Variants in EHMT1 observed in about 807,000 individuals in gnomAD.
The protein encoded by EHMT1 is histone-lysine N-methyltransferase EHMT1.
Under a neutral mutation model 147.2 loss-of-function variants are expected in EHMT1, and 15 were observed. The observed-to-expected ratio is 0.10, with a 90% CI of 0.07 to 0.16. EHMT1 has a LOEUF of 0.16. Among genes scored for constraint, EHMT1 ranks in the 10% least tolerant of loss-of-function variants. The pLI, the probability that EHMT1 is intolerant of heterozygous loss-of-function variation, is 1.00. For synonymous variants in EHMT1, 795 were observed against 709.6 expected (o/e 1.12, Z -1.91); for missense variants, 1,587 against 1,772.4 (o/e 0.90, Z 1.88).
intron 3 of EHMT1, among the ~76,000 whole-genome samples, chr9:137,725,308 A>C (rs1445474098): frequency 6.6e-6 from 1 of 150,880 alleles, no homozygotes; most frequent in Non-Finnish European, 1.5e-5. Flanking sequence ...TGTGGCAGAC[A>C]TGTGGCCTTC....
chr9:137,802,018 T>C (rs1953530009), intron 18 of EHMT1, among the ~76,000 whole-genome samples: 1 of 152,218 alleles, frequency 6.6e-6, no homozygotes, highest in South Asian at 2.1e-4. Flanking sequence ...CAGTGACAAT[T>C]AGTTTTGTAA....
intron 16 of EHMT1, among the ~76,000 whole-genome samples, chr9:137,796,609 T>C (rs7030686): frequency 0.34 from 49,599 of 147,696 alleles, 8,441 homozygotes; most frequent in Admixed American, 0.44. Flanking sequence ...GAGGCTGAGG[T>C]AGGAGAATGA....
At position 137,782,821 on chromosome 9, in the gene EHMT1, CG is replaced by C. The variant is rs1951670273; in HGVS notation, c.2382+425del. On this transcript the variant is annotated intron_variant, in intron 15 of 26. Coordinates refer to ENST00000460843, the MANE Select transcript of EHMT1 (RefSeq NM_024757.5). This position sits in a 1 kb window ranked among gnomAD's most constrained non-coding sequence, Gnocchi z 5.7. Reference sequence around the variant, plus strand: ...CGTCTACAGGGTATGTTGTGTCTGTCGTTAATCACTGGCTTGTGTTTCTGTT... The same window carrying C: ...CGTCTACAGGGTATGTTGTGTCTGTCTTAATCACTGGCTTGTGTTTCTGTT... 6.6e-6 allele frequency among the ~76,000 whole-genome samples: 1 copy of C among 152,168 alleles called. No individual in the cohort carries two copies. Among genetic ancestry groups the C allele is most frequent in the African/African-American group, 2.4e-5 (1 of 41,440 alleles).
In EHMT1 at chr9:137,813,401, C is replaced by G; in HGVS notation, c.3051C>G (p.Gly1017=). 1 of 1,612,498 alleles carries G rather than the reference C, an allele frequency of 6.2e-7. No individual in the cohort carries two copies. The change falls in exon 21 of 27, where the codon GGC becomes GGG. Residue 1017 remains glycine, a synonymous_variant. Coordinates refer to ENST00000460843, the MANE Select transcript of EHMT1 (RefSeq NM_024757.5). This position sits in a 1 kb window ranked among gnomAD's most constrained non-coding sequence, Gnocchi z 4.9. ...ERIVSRDIAR[G]YERIPIPCVN... Reference sequence around the variant, plus strand: ...TCCATGGCAGGGACATCGCTCGAGGCTACGAGCGCATCCCCATCCCCTGTG... The same window carrying G: ...TCCATGGCAGGGACATCGCTCGAGGGTACGAGCGCATCCCCATCCCCTGTG...
chr9:137,775,971 GTT>G lies in EHMT1; in HGVS notation c.1792-645_1792-644del, dbSNP rs1950926921. 6.6e-6 allele frequency among the ~76,000 whole-genome samples: 1 copy of G among 152,116 alleles called. No individual in the cohort carries two copies. Among genetic ancestry groups the G allele is most frequent in the African/African-American group, 2.4e-5 (1 of 41,402 alleles). On this transcript the variant is annotated intron_variant, in intron 11 of 26. Coordinates refer to ENST00000460843, the MANE Select transcript of EHMT1 (RefSeq NM_024757.5). This position sits in a 1 kb window ranked among gnomAD's most constrained non-coding sequence, Gnocchi z 6.1. The stretch of plus-strand genomic sequence containing the variant: ...TCTGTGTGCGCCTGTGTGTGTGAGT[GTT>G]TGAGTGTGAGCTTCAGGCACCCAGA...
intron 1 of EHMT1, among the ~76,000 whole-genome samples, chr9:137,655,688 C>T (rs1938368051): frequency 6.6e-6 from 1 of 152,208 alleles, no homozygotes; most frequent in South Asian, 2.1e-4. Flanking sequence ...AGTTCTGCCT[C>T]TGCCAGATCA....
At chr9:137,801,487 A>G (rs770914430) in intron 18 of EHMT1, among the ~76,000 whole-genome samples, 39 of 150,198 alleles carry the variant, frequency 2.6e-4, no homozygotes, top group Non-Finnish European at 4.6e-4. Context: ...GTGTCTGGCT[A>G]ATTTTTGTAT....
rs767405720 is a variant in EHMT1, at chr9:137,808,522, C to A, written c.2713-2939C>A. On this transcript the variant is annotated intron_variant, in intron 18 of 26. Coordinates refer to ENST00000460843, the MANE Select transcript of EHMT1 (RefSeq NM_024757.5). The stretch of plus-strand genomic sequence containing the variant: ...GGTAAACCTGTTCTGGTCTGTATCA[C>A]CCCATTGTTTCAGGAGTGCGGTTGC... Among the ~76,000 whole-genome samples, 16 of 152,296 alleles carry A rather than the reference C, an allele frequency of 1.1e-4. No individual in the cohort carries two copies. The South Asian group carries it at 1.7e-3, about 16-fold the overall frequency.
chr9:137,721,084 G>C (rs548592888), intron 3 of EHMT1, among the ~76,000 whole-genome samples: 6 of 151,890 alleles, frequency 4.0e-5, no homozygotes, highest in Non-Finnish European at 5.9e-5. Context: ...GTGTTTCCTC[G>C]AGGCTTCAGC....
rs748816301 is a variant in EHMT1 at position 137,762,713 on chromosome 9, C to T, written c.1540C>T (p.Leu514Phe). Residue 514 changes from leucine to phenylalanine, a missense_variant, in exon 10 of 27, where the codon CTC becomes TTC. Transcript: ENST00000460843. The part of the protein sequence containing the change: ...NGPDVLETDG[L>F]QEVPLCSCRM... The stretch of plus-strand genomic sequence containing the variant: ...TCCAGATGTGCTGGAGACAGACGGC[C>T]TCCAGGAAGTGCCTCTCTGCAGCTG... 1.2e-6 allele frequency: 2 copies of T among 1,614,248 alleles called. No homozygotes were observed. The highest frequency in any genetic ancestry group is 1.3e-5 in the African/African-American group (1 of 75,064).
Position 137,779,383 on chromosome 9 carries a change from G to A in EHMT1, c.2193-252G>A, listed in dbSNP as rs73576187. Among the ~76,000 whole-genome samples, 7,482 of 152,344 alleles carry A rather than the reference G, an allele frequency of 0.049. 609 individuals are homozygous for A. Among genetic ancestry groups the A allele is most frequent in the African/African-American group, 0.17 (7,003 of 41,568 alleles). ...CTCACAGTGCGTAGTGTTCTCCTGC[G>A]GTGACTGGGAACGCAGTTTCTTGTC... On this transcript the variant is annotated intron_variant, in intron 13 of 26. Transcript: ENST00000460843.
intron 10 of EHMT1, among the ~76,000 whole-genome samples, chr9:137,771,097 A>G (rs967411516): frequency 6.6e-6 from 1 of 151,366 alleles, no homozygotes; most frequent in African/African-American, 2.4e-5. Flanking sequence ...TGCTCAGAAG[A>G]TAACTATTTT....
At chr9:137,749,798 T>C (rs890217439) in intron 6 of EHMT1, among the ~76,000 whole-genome samples, 1 of 152,210 alleles carries the variant, frequency 6.6e-6, no homozygotes, top group Non-Finnish European at 1.5e-5. Context: ...TAGTCTGCTG[T>C]TAATTGGTGG....
intron 1 of EHMT1, among the ~76,000 whole-genome samples, chr9:137,678,865 G>C (rs1017541231): frequency 1.3e-5 from 2 of 152,140 alleles, no homozygotes; most frequent in South Asian, 2.1e-4. Context: ...CACATCCAGG[G>C]CAGGACTGAT....
intron 3 of EHMT1, 150 bp downstream of exon 3, chr9:137,717,332 G>C: frequency 9.7e-7 from 1 of 1,030,386 alleles, no homozygotes; most frequent in Non-Finnish European, 1.4e-6. Context: ...GCCGGGAGCA[G>C]TGGCTTACAG....
At position 137,834,932 on chromosome 9, in the gene EHMT1, G is replaced by A. The variant is rs780788976; in HGVS notation, c.3876G>A (p.Ala1292=). 6.5e-7 allele frequency: 1 copy of A among 1,529,778 alleles called. No individual in the cohort carries two copies. Among genetic ancestry groups the A allele is most frequent in the Middle Eastern group, 2.3e-4 (1 of 4,302 alleles). 94.8% of individuals were successfully genotyped at this position (1,529,778 alleles called of 1,614,324 possible). ...QEDGLPDTSS[A]AAADPL ...ACGGCTTGCCCGACACCAGCTCCGC[G>A]GCTGCCGCCGACCCCCTATGAGACG... Residue 1292 remains alanine, a synonymous_variant, in exon 27 of 27, where the codon GCG becomes GCA. Transcript: ENST00000460843.
intron 1 of EHMT1, among the ~76,000 whole-genome samples, chr9:137,621,873 C>T (rs551571578): frequency 1.3e-5 from 2 of 150,884 alleles, no homozygotes; most frequent in African/African-American, 2.4e-5. Flanking sequence ...AATGCAGGCA[C>T]GTGCGCATAA....
intron 10 of EHMT1, among the ~76,000 whole-genome samples, chr9:137,765,727 A>G (rs1171530248): frequency 7.4e-6 from 1 of 136,028 alleles, no homozygotes; most frequent in African/African-American, 2.7e-5. Context: ...CCCGCCCAGC[A>G]GCCTCTGTCC....
At position 137,776,292 on chromosome 9, in the gene EHMT1, C is replaced by T. The variant is rs547682497; in HGVS notation, c.1792-326C>T. ...TGCTGTCGTCTGTCCCTGTCCCTAT[C>T]CGCCCTTCAGAGTAGGGGCCTTCTG... On this transcript the variant is annotated intron_variant, in intron 11 of 26. Coordinates refer to ENST00000460843, the MANE Select transcript of EHMT1 (RefSeq NM_024757.5). The surrounding 1 kb of genome is among the most constrained non-coding windows in gnomAD (Gnocchi z 4.4). Among the ~76,000 whole-genome samples, 2 of 152,316 alleles carry T rather than the reference C, an allele frequency of 1.3e-5. No homozygotes were observed. The highest frequency in any genetic ancestry group is 1.9e-4 in the East Asian group (1 of 5,162).
Sources: allele counts gnomAD v4.1 joint callset (sites outside exome capture counted in the v4.1 genomes callset), GRCh38; gene constraint gnomAD v4.1.1; non-coding constraint Gnocchi (gnomAD v3.1); transcripts MANE v1.5; gene names NCBI Gene and HGNC (gene_info 2026-07-23, HGNC 2026-07-21).